The following TUSC3 variants were observed in gnomAD, a reference collection of about 807,000 sequenced individuals.
The protein encoded by TUSC3 is dolichyl-diphosphooligosaccharide--protein glycosyltransferase subunit TUSC3.
TUSC3 carries 45 observed loss-of-function variants against 44.8 expected under a neutral mutation model. That is an observed-to-expected ratio of 1.00 (90% CI 0.79 to 1.29). The LOEUF is 1.29. Among genes scored for constraint, TUSC3 ranks in the 50% most tolerant of loss-of-function variants. The probability of loss-of-function intolerance (pLI) is 0.00; values close to 1 mark genes in which losing one functional copy is unlikely to be tolerated. For missense variants in TUSC3, 519 were observed against 437.9 expected (o/e 1.19, Z -1.65); for synonymous variants, 212 against 152.9 (o/e 1.39, Z -2.85).
At chr8:15,697,306 C>T (rs1360002261) in intron 6 of TUSC3, among the ~76,000 whole-genome samples, 1 of 152,008 alleles carries the variant, frequency 6.6e-6, no homozygotes, top group Non-Finnish European at 1.5e-5. Context: ...TTGGTTATTT[C>T]CTTTCTTCTG....
At chr8:15,607,691 A>G (rs1804591596) in intron 1 of TUSC3, among the ~76,000 whole-genome samples, 1 of 152,170 alleles carries the variant, frequency 6.6e-6, no homozygotes, top group South Asian at 2.1e-4. Flanking sequence ...ATCAGCAATC[A>G]TTCTGTCTTT....
At chr8:15,465,150 G>A (rs898849531) in intron 1 of TUSC3, among the ~76,000 whole-genome samples, 1 of 152,150 alleles carries the variant, frequency 6.6e-6, no homozygotes, top group Non-Finnish European at 1.5e-5. Flanking sequence ...CCTGGTCAAA[G>A]ACTTCTAATA....
intron 2 of TUSC3, among the ~76,000 whole-genome samples, chr8:15,484,772 A>G (rs551244739): frequency 4.6e-5 from 7 of 152,334 alleles, no homozygotes; most frequent in Admixed American, 4.6e-4. Flanking sequence ...AGAGGGGACA[A>G]ATGTGACAGT....
intron 1 of TUSC3, among the ~76,000 whole-genome samples, chr8:15,432,510 A>G (rs1276084177): frequency 6.6e-6 from 1 of 152,152 alleles, no homozygotes; most frequent in Admixed American, 6.6e-5. Context: ...TCTGGTTCTG[A>G]TGCTTGCTCT....
At chr8:15,680,871 G>C (rs1188611898) in intron 6 of TUSC3, among the ~76,000 whole-genome samples, 1 of 152,032 alleles carries the variant, frequency 6.6e-6, no homozygotes, top group Non-Finnish European at 1.5e-5. Flanking sequence ...TGTTTATGTG[G>C]TGTATTACAT....
At chr8:15,839,506 A>G in the TUSC3 span, among the ~76,000 whole-genome samples, 2 of 152,158 alleles carry the variant, frequency 1.3e-5, no homozygotes, top group African/African-American at 4.8e-5. Context: ...CAGAATCTAC[A>G]AAGAACTCAA....
chr8:15,576,358 G>A (rs1421538275), intron 1 of TUSC3, among the ~76,000 whole-genome samples: 1 of 137,028 alleles, frequency 7.3e-6, no homozygotes, highest in Non-Finnish European at 1.5e-5. Context: ...TGTGCACATT[G>A]TGCAGGTTAG....
intron 1 of TUSC3, among the ~76,000 whole-genome samples, chr8:15,464,230 C>A (rs1005937536): frequency 6.6e-6 from 1 of 152,116 alleles, no homozygotes; most frequent in Non-Finnish European, 1.5e-5. Context: ...TAATGACTGC[C>A]AGCTGGATGG....
intron 7 of TUSC3, among the ~76,000 whole-genome samples, chr8:15,736,914 A>G (rs1234495347): frequency 6.6e-6 from 1 of 152,200 alleles, no homozygotes. Flanking sequence ...TGTCAACTAT[A>G]TAATCTCTGA....
At chr8:15,729,347 C>T (rs892278080) in intron 6 of TUSC3, among the ~76,000 whole-genome samples, 1 of 152,116 alleles carries the variant, frequency 6.6e-6, no homozygotes, top group Admixed American at 6.6e-5. Flanking sequence ...TACAAACAGT[C>T]CTAGGTTTCA....
At chr8:15,602,969 G>A (rs1804354732) in intron 1 of TUSC3, among the ~76,000 whole-genome samples, 2 of 151,460 alleles carry the variant, frequency 1.3e-5, no homozygotes, top group South Asian at 4.1e-4. Context: ...AGGTAGGGAA[G>A]GTCTTTTGAA....
At chr8:15,498,261 G>C (rs1800910685) in intron 2 of TUSC3, among the ~76,000 whole-genome samples, 1 of 152,176 alleles carries the variant, frequency 6.6e-6, no homozygotes. Flanking sequence ...TAAGAACACA[G>C]ATTGAGTAGA....
chr8:15,449,093 T>C (rs1417875065), intron 1 of TUSC3, among the ~76,000 whole-genome samples: 1 of 152,182 alleles, frequency 6.6e-6, no homozygotes, highest in East Asian at 1.9e-4. Context: ...CATAAAGCGT[T>C]GTAGCCTGTA....
At chr8:15,786,726 G>C in the TUSC3 span, among the ~76,000 whole-genome samples, 5 of 151,988 alleles carry the variant, frequency 3.3e-5, no homozygotes, top group South Asian at 8.3e-4. Context: ...GGTGGATCAC[G>C]AGGTCAGGAG....
intron 1 of TUSC3, among the ~76,000 whole-genome samples, chr8:15,474,372 A>C (rs953824112): frequency 2.6e-5 from 4 of 152,226 alleles, no homozygotes; most frequent in Non-Finnish European, 5.9e-5. Context: ...CAGGATTAAG[A>C]GATTAAATTA....
At chr8:15,809,532 C>G in the TUSC3 span, among the ~76,000 whole-genome samples, 1 of 152,084 alleles carries the variant, frequency 6.6e-6, no homozygotes, top group Non-Finnish European at 1.5e-5. Flanking sequence ...GTATCTAGTC[C>G]TATATATGTT....
At chr8:15,809,812 G>A in the TUSC3 span, among the ~76,000 whole-genome samples, 1 of 152,114 alleles carries the variant, frequency 6.6e-6, no homozygotes, top group Admixed American at 6.5e-5. Context: ...TCAACATTTG[G>A]CTTTCTTTAC....
the TUSC3 span, chr8:15,806,185 C>T: frequency 6.2e-6 from 3 of 485,754 alleles, no homozygotes; most frequent in Non-Finnish European, 1.2e-5. Flanking sequence ...TCACTGTCAT[C>T]ATTTTTATAA....
At chr8:15,830,293 T>G in the TUSC3 span, among the ~76,000 whole-genome samples, 1 of 152,188 alleles carries the variant, frequency 6.6e-6, no homozygotes, top group Non-Finnish European at 1.5e-5. Context: ...TCTCTTTAAG[T>G]CTCATTTTTC....
Sources: allele counts gnomAD v4.1 joint callset (sites outside exome capture counted in the v4.1 genomes callset), GRCh38; gene constraint gnomAD v4.1.1; transcripts MANE v1.5; gene names NCBI Gene and HGNC (gene_info 2026-07-23, HGNC 2026-07-21).